The following ZDHHC13 variants were observed in gnomAD, a reference collection of about 807,000 sequenced individuals.
ZDHHC13 encodes the protein palmitoyltransferase ZDHHC13.
Under a neutral mutation model 86.0 loss-of-function variants are expected in ZDHHC13, and 85 were observed. The ratio of observed to expected loss-of-function variants is 0.99; its 90% CI spans 0.83 to 1.18. The LOEUF is 1.18. Among genes scored for constraint, ZDHHC13 ranks in the 50% most tolerant of loss-of-function variants. The pLI is 0.00. For synonymous variants in ZDHHC13, 263 were observed against 246.4 expected, an observed-to-expected ratio of 1.07 and a Z score of -0.63; for missense variants, 711 against 730.2, an observed-to-expected ratio of 0.97 and a Z score of 0.30.
chr11:19,164,255 A>C, intron 11 of ZDHHC13, 46 bp from the exon 12 acceptor site: 1 of 1,595,986 alleles, frequency 6.3e-7, no homozygotes, highest in Non-Finnish European at 8.6e-7. Context: ...TGCATAATAC[A>C]TTTTCCAATA....
chr11:19,155,752 GA>G, intron 8 of ZDHHC13, 43 bp from the exon 9 acceptor site: 1 of 1,593,868 alleles, frequency 6.3e-7, no homozygotes, highest in Non-Finnish European at 8.5e-7. Flanking sequence ...AGATACTTAA[GA>G]GGTAAAATCC....
intron 2 of ZDHHC13, among the ~76,000 whole-genome samples, chr11:19,144,738 C>A (rs971234660): frequency 6.6e-6 from 1 of 152,068 alleles, no homozygotes; most frequent in African/African-American, 2.4e-5. Flanking sequence ...TTGATCCTTG[C>A]GGGCTTATTG....
Position 19,172,806 on chromosome 11 carries a change from G to A in ZDHHC13, c.1716G>A (p.Arg572=). The A allele has an allele frequency of 6.2e-7, 1 of 1,602,718 alleles. No individual in the cohort carries two copies. The highest frequency in any genetic ancestry group is 1.1e-5 in the South Asian group (1 of 88,486). Residue 572 remains arginine, a synonymous_variant, in exon 16 of 17, where the codon AGG becomes AGA. Coordinates refer to ENST00000446113, the MANE Select transcript of ZDHHC13 (RefSeq NM_019028.3). ...ATATGAAACAGACGTTGTCCCTCAG[G>A]AAGACACCATACAAGTAAGCGAGAC... ...SKHMKQTLSL[R]KTPYNLGFMQ... is the part of the protein sequence containing the mutation.
intron 1 of ZDHHC13, among the ~76,000 whole-genome samples, chr11:19,136,171 T>G (rs1292056678): frequency 6.6e-6 from 1 of 151,764 alleles, no homozygotes; most frequent in Non-Finnish European, 1.5e-5. Flanking sequence ...GTTGAAAACT[T>G]TGAAAAAAGT....
chr11:19,149,889 C>T (rs1264611538), intron 5 of ZDHHC13, among the ~76,000 whole-genome samples: 1 of 152,164 alleles, frequency 6.6e-6, no homozygotes, highest in Non-Finnish European at 1.5e-5. Flanking sequence ...GCAGACTTGC[C>T]TGTAAAAGGC....
At chr11:19,166,446 G>A in intron 14 of ZDHHC13, 61 bp downstream of exon 14, 1 of 1,329,974 alleles carries the variant, frequency 7.5e-7, no homozygotes, top group East Asian at 2.3e-5. Flanking sequence ...ACTTTTCCTT[G>A]TAAACCCTTG....
intron 4 of ZDHHC13, chr11:19,148,945 C>G (rs1849539124): frequency 6.3e-6 from 2 of 315,706 alleles, no homozygotes; most frequent in Non-Finnish European, 1.2e-5. Flanking sequence ...CAGAGCGAGA[C>G]TCCATCTCAA....
intron 1 of ZDHHC13, among the ~76,000 whole-genome samples, chr11:19,138,895 G>T (rs925654105): frequency 6.6e-5 from 10 of 151,812 alleles, no homozygotes; most frequent in African/African-American, 2.2e-4. Flanking sequence ...AATAAATTAG[G>T]TATTGATGGG....
At chr11:19,148,237 A>G (rs1474665224) in intron 4 of ZDHHC13, among the ~76,000 whole-genome samples, 1 of 151,852 alleles carries the variant, frequency 6.6e-6, no homozygotes, top group African/African-American at 2.4e-5. Flanking sequence ...AGTTTCTTTT[A>G]TTAATTTAAA....
chr11:19,145,895 G>A (rs1289848041), intron 2 of ZDHHC13, among the ~76,000 whole-genome samples: 1 of 152,128 alleles, frequency 6.6e-6, no homozygotes, highest in Non-Finnish European at 1.5e-5. Flanking sequence ...GCACATAGTG[G>A]AGATCAGATG....
chr11:19,140,933 G>A (rs1849300982), intron 1 of ZDHHC13, among the ~76,000 whole-genome samples: 1 of 116,956 alleles, frequency 8.6e-6, no homozygotes, highest in Non-Finnish European at 1.7e-5. Flanking sequence ...GGGGGAGGGG[G>A]GAGGGATAGC....
At chr11:19,143,197 G>A (rs1422055541) in intron 2 of ZDHHC13, 74 bp downstream of exon 2, 4 of 1,460,472 alleles carry the variant, frequency 2.7e-6, no homozygotes, top group Non-Finnish European at 3.7e-6. Context: ...AGTTCATGGA[G>A]CTTCATATGT....
chr11:19,128,001 A>G (rs1436069841), intron 1 of ZDHHC13, among the ~76,000 whole-genome samples: 8 of 152,118 alleles, frequency 5.3e-5, no homozygotes, highest in African/African-American at 1.9e-4. Flanking sequence ...GTCTTTGGTA[A>G]TTTGATAGGG....
intron 1 of ZDHHC13, among the ~76,000 whole-genome samples, chr11:19,123,577 G>C (rs1008864939): frequency 6.6e-6 from 1 of 152,186 alleles, no homozygotes; most frequent in Non-Finnish European, 1.5e-5. Context: ...GAGCCCAGCA[G>C]ATAGGGCTGT....
chr11:19,157,714 C>T (rs1565036773), intron 9 of ZDHHC13, among the ~76,000 whole-genome samples: 1 of 152,160 alleles, frequency 6.6e-6, no homozygotes, highest in South Asian at 2.1e-4. Flanking sequence ...TATCTACTCC[C>T]CTAGGATAGG....
rs1055731245 is a variant in ZDHHC13 at position 19,131,105 on chromosome 11, G to A, written c.28-11873G>A. Among the ~76,000 whole-genome samples the A allele has an allele frequency of 9.0e-4, 136 of 151,918 alleles. 3 individuals carry two copies. Among genetic ancestry groups the A allele is most frequent in the Admixed American group, 2.6e-4 (4 of 15,266 alleles). ...GCGATCTCGGCTCACTGCAAGCTCCGCCTCCCGGCTTCACGCCATTCTCCT... is the reference window on the plus strand; with the variant it reads ...GCGATCTCGGCTCACTGCAAGCTCCACCTCCCGGCTTCACGCCATTCTCCT... On this transcript the variant is annotated intron_variant, in intron 1 of 16. Coordinates refer to ENST00000446113, the MANE Select transcript of ZDHHC13 (RefSeq NM_019028.3).
chr11:19,141,347 G>A (rs1342618773), intron 1 of ZDHHC13, among the ~76,000 whole-genome samples: 1 of 152,098 alleles, frequency 6.6e-6, no homozygotes, highest in Non-Finnish European at 1.5e-5. Context: ...GTGTATTTGT[G>A]CTTTTAGGAA....
At chr11:19,123,179 A>G (rs1848794502) in intron 1 of ZDHHC13, among the ~76,000 whole-genome samples, 1 of 152,188 alleles carries the variant, frequency 6.6e-6, no homozygotes, top group Admixed American at 6.5e-5. Context: ...AATATTCTCA[A>G]TTGTGGATAT....
At chr11:19,122,438 C>T (rs1440556253) in intron 1 of ZDHHC13, among the ~76,000 whole-genome samples, 1 of 152,050 alleles carries the variant, frequency 6.6e-6, no homozygotes, top group African/African-American at 2.4e-5. Flanking sequence ...TACCTCAATT[C>T]ATGGCTTCTT....
Sources: gnomAD v4.1 joint callset for allele counts (sites outside exome capture counted in the v4.1 genomes callset) on GRCh38, gnomAD v4.1.1 for gene constraint, MANE v1.5 for transcripts, NCBI Gene and HGNC (gene_info 2026-07-23, HGNC 2026-07-21) for gene names.